The following AGO1 variants were observed in gnomAD, a reference collection of about 807,000 sequenced individuals.
AGO1 encodes argonaute RISC component 1.
AGO1 carries 11 observed loss-of-function variants against 109.2 expected under a neutral mutation model. The observed-to-expected ratio is 0.10, with a 90% CI of 0.06 to 0.17. The LOEUF (loss-of-function observed/expected upper bound fraction) is 0.17. AGO1 is among the 10% of genes least tolerant of loss of function. AGO1 has a pLI of 1.00. For synonymous variants in AGO1, 422 were observed against 418.6 expected, an observed-to-expected ratio of 1.01 and a Z score of -0.10; for missense variants, 574 against 1,140.3, an observed-to-expected ratio of 0.50 and a Z score of 7.15.
At chr1:35,897,041 T>C (rs186169125) in intron 8 of AGO1, among the ~76,000 whole-genome samples, 1 of 152,224 alleles carries the variant, frequency 6.6e-6, no homozygotes, top group African/African-American at 2.4e-5. Context: ...GCTCCTACTA[T>C]GTGTCATATA....
intron 15 of AGO1, among the ~76,000 whole-genome samples, chr1:35,917,296 T>G (rs1350164459): frequency 1.3e-5 from 2 of 152,240 alleles, no homozygotes; most frequent in African/African-American, 4.8e-5. Context: ...GATTTCTCTG[T>G]GAACCTTGGT....
Position 35,883,254 on chromosome 1 carries a change from C to CGCGGCGGCGGCAACGGAGGCT in AGO1, c.-163_-143dup. ...TCGCAGTGGGAGCTGCTGCAGGCTC[C>CGCGGCGGCGGCAACGGAGGCT]GCGGCGGCGGCAACGGAGGCTGCGG... On this transcript the variant is annotated 5_prime_UTR_variant, in exon 1 of 19. Coordinates refer to ENST00000373204, the MANE Select transcript of AGO1 (RefSeq NM_012199.5). This position sits in a 1 kb window ranked among gnomAD's most constrained non-coding sequence, Gnocchi z 5.4. 1.5e-6 allele frequency: 2 copies of CGCGGCGGCGGCAACGGAGGCT among 1,345,358 alleles called. No individual in the cohort carries two copies. Among genetic ancestry groups the CGCGGCGGCGGCAACGGAGGCT allele is most frequent in the Admixed American group, 4.2e-5 (1 of 23,874 alleles). The allele number at this position is 1,345,358 out of a possible 1,614,324, so 83.3% of individuals were successfully genotyped here.
In AGO1 at chr1:35,920,885, T is replaced by C. The variant is rs1334655869; in HGVS notation, c.*1278T>C. 1 of 152,622 alleles carries C rather than the reference T, an allele frequency of 6.6e-6. No individual in the cohort carries two copies. The highest frequency in any genetic ancestry group is 1.5e-5 in the Non-Finnish European group (1 of 68,052). The allele number at this position is 152,622 out of a possible 1,614,324, so 9.5% of individuals were successfully genotyped here. A position where few individuals can be genotyped will look rare whatever the true frequency, so the allele number is the denominator to read the frequency against. On this transcript the variant is annotated 3_prime_UTR_variant, in exon 19 of 19. Coordinates refer to ENST00000373204, the MANE Select transcript of AGO1 (RefSeq NM_012199.5). Reference sequence around the variant, plus strand: ...TGTTATTTTTATACCATAACTTGAGTGTATTGCCAAAATTTGGAAATCCTT... The same window carrying C: ...TGTTATTTTTATACCATAACTTGAGCGTATTGCCAAAATTTGGAAATCCTT...
Position 35,893,264 on chromosome 1 carries a change from C to T in AGO1, c.498C>T (p.His166=), listed in dbSNP as rs1250637242. 2.5e-6 allele frequency: 4 copies of T among 1,613,820 alleles called. No individual in the cohort carries two copies. The highest frequency in any genetic ancestry group is 1.7e-4 in the Middle Eastern group (1 of 6,056). The change falls in exon 4 of 19, where the codon CAC becomes CAT. Residue 166 remains histidine, a synonymous_variant. Transcript: ENST00000373204. This position sits in a 1 kb window ranked among gnomAD's most constrained non-coding sequence, Gnocchi z 5.6. ...SVQALDVAMR[H]LASMRYTPVG... ...AAGCCCTGGATGTGGCCATGAGGCACCTGGCATCCATGAGGTATTGGGTGT... is the reference window on the plus strand; with the variant it reads ...AAGCCCTGGATGTGGCCATGAGGCATCTGGCATCCATGAGGTATTGGGTGT...
Position 35,893,048 on chromosome 1 carries a change from C to CAA in AGO1, c.331-49_331-48insAA. The CAA allele has an allele frequency of 6.4e-7, 1 of 1,552,950 alleles. No homozygotes were observed. Among genetic ancestry groups the CAA allele is most frequent in the East Asian group, 2.3e-5 (1 of 44,020 alleles). On this transcript the variant is annotated intron_variant, in intron 3 of 18. Transcript: ENST00000373204. The surrounding 1 kb of genome is among the most constrained non-coding windows in gnomAD (Gnocchi z 5.6). ...CAAATCCATGGAGTTGGGGGTCATT[C>CAA]TCGCAGAGCAATGGCAATCCTTCAT...
chr1:35,888,332 C>T lies in AGO1; in HGVS notation c.26-95C>T, dbSNP rs1645153573. 7.6e-7 allele frequency: 1 copy of T among 1,324,174 alleles called. No individual in the cohort carries two copies. Among genetic ancestry groups the T allele is most frequent in the Admixed American group, 2.0e-5 (1 of 51,188 alleles). 82.0% of individuals were successfully genotyped at this position (1,324,174 alleles called of 1,614,324 possible). A position where few individuals can be genotyped will look rare whatever the true frequency, so the allele number is the denominator to read the frequency against. On this transcript the variant is annotated intron_variant, in intron 1 of 18. Coordinates refer to ENST00000373204, the MANE Select transcript of AGO1 (RefSeq NM_012199.5). This position sits in a 1 kb window ranked among gnomAD's most constrained non-coding sequence, Gnocchi z 4.1. ...GCAGGAAAGAGGCATTCTCTATACT[C>T]TCGTGTTCCTGTTCTGGGAGGCCTT...
chr1:35,870,513 G>T (rs569511714), intron 1 of AGO1, among the ~76,000 whole-genome samples: 9 of 152,006 alleles, frequency 5.9e-5, no homozygotes, highest in Admixed American at 5.9e-4. Flanking sequence ...TCGATCTCTT[G>T]ACCTCGTGAT....
chr1:35,912,866 C>G (rs1225298717), intron 12 of AGO1, among the ~76,000 whole-genome samples: 2 of 152,158 alleles, frequency 1.3e-5, no homozygotes, highest in Admixed American at 1.3e-4. Flanking sequence ...GCCACCGTGC[C>G]CGGCTGGCCT....
chr1:35,901,797 C>A lies in AGO1; in HGVS notation c.1141-151C>A. 7.7e-7 allele frequency: 1 copy of A among 1,305,622 alleles called. No homozygotes were observed. The highest frequency in any genetic ancestry group is 1.1e-6 in the Non-Finnish European group (1 of 948,054). 80.9% of individuals were successfully genotyped at this position (1,305,622 alleles called of 1,614,324 possible). On this transcript the variant is annotated intron_variant, in intron 9 of 18. Transcript: ENST00000373204. The surrounding 1 kb of genome is among the most constrained non-coding windows in gnomAD (Gnocchi z 4.8). Reference sequence around the variant, plus strand: ...CTGTATTACTTTGCTGTGTTATTCCCTCACTTCCCTCATCTTCCACTTTCT... The same window carrying A: ...CTGTATTACTTTGCTGTGTTATTCCATCACTTCCCTCATCTTCCACTTTCT...
At chr1:35,871,129 A>G (rs753142197) in intron 1 of AGO1, among the ~76,000 whole-genome samples, 3 of 152,172 alleles carry the variant, frequency 2.0e-5, no homozygotes, top group Non-Finnish European at 4.4e-5. Flanking sequence ...CAACTTTACC[A>G]AAGAGTGTTG....
chr1:35,914,102 G>C (rs571075532), intron 13 of AGO1, 82 bp from the exon 14 acceptor site: 1 of 1,591,400 alleles, frequency 6.3e-7, no homozygotes, highest in Admixed American at 1.7e-5. Context: ...ACATAAGGGG[G>C]AGAAGAGCAG....
chr1:35,924,243 AG>A lies in AGO1; in HGVS notation c.*4637del, dbSNP rs1177987270. The A allele has an allele frequency of 6.5e-6, 1 of 154,500 alleles. No homozygotes were observed. The highest frequency in any genetic ancestry group is 1.5e-5 in the Non-Finnish European group (1 of 68,832). 9.6% of individuals were successfully genotyped at this position (154,500 alleles called of 1,614,324 possible). ...TGAAGCAAGCAACATCAGCAGCAGC[AG>A]CAGCAGCAGCACAATTCTGTGTTTT... On this transcript the variant is annotated 3_prime_UTR_variant, in exon 19 of 19. Transcript: ENST00000373204.
At chr1:35,900,687 A>G (rs141440044) in intron 8 of AGO1, among the ~76,000 whole-genome samples, 1 of 152,274 alleles carries the variant, frequency 6.6e-6, no homozygotes, top group Non-Finnish European at 1.5e-5. Flanking sequence ...AGATCGTGCC[A>G]TTGCACTTCA....
At chr1:35,895,339 T>C in intron 8 of AGO1, 70 bp downstream of exon 8, 3 of 1,483,312 alleles carry the variant, frequency 2.0e-6, no homozygotes, top group Non-Finnish European at 2.7e-6. Flanking sequence ...CAGATGTCTG[T>C]TCTTTCATTT....
At chr1:35,908,107 AC>A (rs1236483282) in intron 12 of AGO1, among the ~76,000 whole-genome samples, 3 of 152,138 alleles carry the variant, frequency 2.0e-5, no homozygotes, top group African/African-American at 4.8e-5. Context: ...TCAAAACAAA[AC>A]AAAAAAAACT....
Position 35,895,072 on chromosome 1 carries a change from GGACT to G in AGO1, c.873-47_873-44del, listed in dbSNP as rs747363867. ...CCATGGTTGTGGGTCTAGAGAAGTG[GGACT>G]GAATGCTGGGTTATGACACCCCCTT... On this transcript the variant is annotated intron_variant, in intron 7 of 18. Coordinates refer to ENST00000373204, the MANE Select transcript of AGO1 (RefSeq NM_012199.5). 1.9e-5 allele frequency: 29 copies of G among 1,560,374 alleles called. No homozygotes were observed. In the African/African-American group the frequency reaches 3.4e-4, roughly 19 times the overall value.
In AGO1 at chr1:35,926,798, C is replaced by T. The variant is rs1645936481; in HGVS notation, c.*7191C>T. 3 of 152,118 alleles carry T rather than the reference C, an allele frequency of 2.0e-5. No homozygotes were observed. The highest frequency in any genetic ancestry group is 7.2e-5 in the African/African-American group (3 of 41,418). The allele number at this position is 152,118 out of a possible 1,614,324, so 9.4% of individuals were successfully genotyped here. ...GGGGAATTAGATGCATTTAGTTTTC[C>T]ACTTACGCACAACTGCCTTCTCCAG... On this transcript the variant is annotated 3_prime_UTR_variant, in exon 19 of 19. Transcript: ENST00000373204.
chr1:35,906,660 A>G (rs1260865691), intron 11 of AGO1, among the ~76,000 whole-genome samples: 1 of 151,978 alleles, frequency 6.6e-6, no homozygotes. Context: ...AAGAAAAAAA[A>G]TTAGCCAGGC....
rs1571385299 is a variant in AGO1, at chr1:35,923,202, T to A, written c.*3595T>A. 1 of 152,200 alleles carries A rather than the reference T, an allele frequency of 6.6e-6. No individual in the cohort carries two copies. Among genetic ancestry groups the A allele is most frequent in the Non-Finnish European group, 1.5e-5 (1 of 68,004 alleles). The allele number at this position is 152,200 out of a possible 1,614,324, so 9.4% of individuals were successfully genotyped here. On this transcript the variant is annotated 3_prime_UTR_variant, in exon 19 of 19. Coordinates refer to ENST00000373204, the MANE Select transcript of AGO1 (RefSeq NM_012199.5). Reference sequence around the variant, plus strand: ...AGAAGGTACCTAGAAATTTGAAACTTCCCTAAAAAGCTCCTAATGCCCACC... The same window carrying A: ...AGAAGGTACCTAGAAATTTGAAACTACCCTAAAAAGCTCCTAATGCCCACC...
Sources: gnomAD v4.1 joint callset for allele counts (sites outside exome capture counted in the v4.1 genomes callset) on GRCh38, gnomAD v4.1.1 for gene constraint, Gnocchi (gnomAD v3.1) non-coding constraint, MANE v1.5 for transcripts, NCBI Gene and HGNC (gene_info 2026-07-23, HGNC 2026-07-21) for gene names.